Variants in MAPK6 observed in about 807,000 individuals in gnomAD.
MAPK6 encodes ERK-3.
A neutral mutation model predicts 59.3 loss-of-function variants in MAPK6; 19 were observed. That is an observed-to-expected ratio of 0.32 (90% confidence interval 0.22 to 0.47). MAPK6 has a LOEUF of 0.47. MAPK6 is among the 20% of genes least tolerant of loss of function. The pLI, the probability that MAPK6 is intolerant of heterozygous loss-of-function variation, is 1.00. For missense variants in MAPK6, 724 were observed against 847.9 expected (o/e 0.85, Z 1.81); for synonymous variants, 316 against 290.3 (o/e 1.09, Z -0.90).
chr15:52,044,183 G>T (rs1334022768), intron 1 of MAPK6, among the ~76,000 whole-genome samples: 9 of 151,668 alleles, frequency 5.9e-5, no homozygotes, highest in Non-Finnish European at 7.4e-5. Flanking sequence ...TTTTTGGGGG[G>T]GCGGGCTAGG....
At chr15:52,016,088 AC>A (rs1566899896), upstream of MAPK6, among the ~76,000 whole-genome samples, 60 of 138,964 alleles carry the variant, frequency 4.3e-4, 1 homozygote, top group Middle Eastern at 4.2e-3. Context: ...ACACACACAC[AC>A]ACACACACAC....
Position 52,064,374 on chromosome 15 carries a change from C to G in MAPK6, c.1540C>G (p.Leu514Val). 4 of 1,611,836 alleles carry G rather than the reference C, an allele frequency of 2.5e-6. No homozygotes were observed. The highest frequency in any genetic ancestry group is 3.4e-6 in the Non-Finnish European group (4 of 1,179,812). Reference sequence around the variant, plus strand: ...AGCGCTAGAGGAAGCATCACAGCAACTGGCTGGAAAAGAAAGGGAAAAGAA... The same window carrying G: ...AGCGCTAGAGGAAGCATCACAGCAAGTGGCTGGAAAAGAAAGGGAAAAGAA... ...QIALEEASQQ[L>V]AGKEREKNQG... Residue 514 changes from leucine to valine, a missense_variant, in exon 6 of 6, where the codon CTG (leucine) becomes GTG (valine). Coordinates refer to ENST00000261845, the MANE Select transcript of MAPK6 (RefSeq NM_002748.4).
chr15:52,042,423 A>G (rs568445323), intron 1 of MAPK6, among the ~76,000 whole-genome samples: 15 of 152,254 alleles, frequency 9.9e-5, no homozygotes, highest in Non-Finnish European at 2.1e-4. Flanking sequence ...TACCTTCCCT[A>G]GTATCACTTT....
chr15:51,983,194 A>AT (rs895962222), intron 1 of MAPK6, among the ~76,000 whole-genome samples: 12 of 151,746 alleles, frequency 7.9e-5, no homozygotes, highest in African/African-American at 1.9e-4. Flanking sequence ...AACCTTTAGA[A>AT]TTTTTTTTTA....
At chr15:52,054,729 T>TACACACACAC (rs35669914) in intron 3 of MAPK6, among the ~76,000 whole-genome samples, 4 of 147,034 alleles carry the variant, frequency 2.7e-5, no homozygotes, top group African/African-American at 7.6e-5. Context: ...CATATATCTA[T>TACACACACAC]ACACACACAC....
intron 3 of MAPK6, among the ~76,000 whole-genome samples, chr15:52,007,302 AC>A (rs2029921651): frequency 1.3e-5 from 2 of 151,848 alleles, no homozygotes; most frequent in Non-Finnish European, 2.9e-5. Flanking sequence ...TCTGTCCCTG[AC>A]CCACCTTCTT....
At chr15:52,044,970 C>CA (rs200722013) in intron 1 of MAPK6, among the ~76,000 whole-genome samples, 2,133 of 140,046 alleles carry the variant, frequency 0.015, 22 homozygotes, top group African/African-American at 0.031. Context: ...ATGTACTTAC[C>CA]AAAAAAAACT....
intron 2 of MAPK6, among the ~76,000 whole-genome samples, chr15:51,993,802 CTT>C (rs1169370572): frequency 1.6e-4 from 22 of 140,388 alleles, no homozygotes; most frequent in Non-Finnish European, 1.9e-4. Context: ...TTTTTTCTTT[CTT>C]TTTTTTTTTT....
chr15:51,977,982 G>T (rs929518184), intron 1 of MAPK6, among the ~76,000 whole-genome samples: 2 of 151,804 alleles, frequency 1.3e-5, no homozygotes, highest in Admixed American at 6.6e-5. Flanking sequence ...ATTTTGTTAT[G>T]CAGCCTTAGC....
At chr15:52,037,064 A>G (rs2031266763) in intron 1 of MAPK6, among the ~76,000 whole-genome samples, 2 of 152,172 alleles carry the variant, frequency 1.3e-5, no homozygotes, top group African/African-American at 4.8e-5. Flanking sequence ...TGGAAGACTT[A>G]GGTGGGAGGA....
chr15:52,067,261 GGAA>G lies in MAPK6; in HGVS notation c.*2268_*2270del, dbSNP rs1012473823. On this transcript the variant is annotated 3_prime_UTR_variant, in exon 6 of 6. Coordinates refer to ENST00000261845, the MANE Select transcript of MAPK6 (RefSeq NM_002748.4). ...AAAAAGTCCAAACATAGTCATCAAAGGAAGAAGAAAGTAAAACTGAAACCCCTT... is the reference window on the plus strand; with the variant it reads ...AAAAAGTCCAAACATAGTCATCAAAGGAAGAAAGTAAAACTGAAACCCCTT... 2.0e-5 allele frequency: 3 copies of G among 152,194 alleles called. No homozygotes were observed. Among genetic ancestry groups the G allele is most frequent in the South Asian group, 4.2e-4 (2 of 4,816 alleles). 9.4% of individuals were successfully genotyped at this position (152,194 alleles called of 1,614,324 possible).
chr15:52,034,895 A>G (rs958824843), intron 1 of MAPK6, among the ~76,000 whole-genome samples: 6 of 151,930 alleles, frequency 3.9e-5, no homozygotes, highest in Non-Finnish European at 5.9e-5. Context: ...ACGCGGTTTC[A>G]CCATGTTGGT....
At chr15:51,984,375 G>T (rs1395977351) in intron 2 of MAPK6, among the ~76,000 whole-genome samples, 4 of 151,360 alleles carry the variant, frequency 2.6e-5, no homozygotes, top group Admixed American at 6.6e-5. Context: ...TCCGCCTTCC[G>T]GGTTCACGCC....
chr15:52,059,490 G>A (rs1318131190), intron 4 of MAPK6, among the ~76,000 whole-genome samples: 1 of 152,148 alleles, frequency 6.6e-6, no homozygotes, highest in Non-Finnish European at 1.5e-5. Context: ...GGGGAACAGG[G>A]TGGGTGTCTG....
chr15:52,034,753 A>C (rs916924167), intron 1 of MAPK6, among the ~76,000 whole-genome samples: 1 of 152,000 alleles, frequency 6.6e-6, no homozygotes. Flanking sequence ...GCTGGAGTGC[A>C]GTGGTGTGAT....
rs975758943 is a variant in MAPK6, at chr15:51,979,562, G to A, written c.-879-3644G>A. 2.0e-5 allele frequency among the ~76,000 whole-genome samples: 3 copies of A among 151,816 alleles called. 1 individual carries two copies. Among genetic ancestry groups the A allele is most frequent in the Non-Finnish European group, 4.4e-5 (3 of 67,934 alleles). On this transcript the variant is annotated intron_variant, in intron 1 of 7. Coordinates refer to the MAPK6 transcript ENST00000691380. ...AATCCTAGCACTTTGGGAGGCCAAG[G>A]TGGGCGGATTACTTGAGCTTAGGAG...
At chr15:52,032,186 ATTTTTTTTTT>A (rs566086048) in intron 1 of MAPK6, among the ~76,000 whole-genome samples, 1 of 92,484 alleles carries the variant, frequency 1.1e-5, no homozygotes, top group Non-Finnish European at 2.2e-5. Context: ...ACAATTTTTA[ATTTTTTTTTT>A]TTTTTTTTTT....
chr15:52,054,735 C>CAG (rs905524115), intron 3 of MAPK6, among the ~76,000 whole-genome samples: 12 of 150,064 alleles, frequency 8.0e-5, no homozygotes, highest in African/African-American at 3.0e-4. Flanking sequence ...TCTATACACA[C>CAG]ACACACACAC....
At chr15:52,020,131 G>T (rs1216908231) in intron 1 of MAPK6, 1 of 152,274 alleles carries the variant, frequency 6.6e-6, no homozygotes, top group African/African-American at 2.4e-5. Context: ...CTGTAAAAGT[G>T]CCCAAATGAA....
Sources: gnomAD v4.1 joint callset for allele counts (sites outside exome capture counted in the v4.1 genomes callset) on GRCh38, gnomAD v4.1.1 for gene constraint, MANE v1.5 for transcripts, NCBI Gene and HGNC (gene_info 2026-07-23, HGNC 2026-07-21) for gene names.